The following ACAA2 variants were observed in gnomAD, a reference collection of about 807,000 sequenced individuals.
ACAA2 encodes the protein 3-ketoacyl-CoA thiolase, mitochondrial.
A neutral mutation model predicts 44.8 loss-of-function variants in ACAA2; 35 were observed. The observed-to-expected ratio is 0.78, with a 90% confidence interval of 0.60 to 1.04. The LOEUF (loss-of-function observed/expected upper bound fraction) is 1.04, where lower values mean the gene tolerates loss of function less well. Among genes scored for constraint, ACAA2 ranks in the 50% least tolerant of loss-of-function variants. ACAA2 has a pLI of 0.00. For missense variants in ACAA2, 468 were observed against 482.6 expected, an observed-to-expected ratio of 0.97 and a Z score of 0.28; for synonymous variants, 142 against 166.5, an observed-to-expected ratio of 0.85 and a Z score of 1.13.
At chr18:49,799,673 C>T (rs2023510599) in intron 2 of ACAA2, among the ~76,000 whole-genome samples, 2 of 151,866 alleles carry the variant, frequency 1.3e-5, no homozygotes, top group South Asian at 4.2e-4. Flanking sequence ...TGCCTGGCCA[C>T]CCATCGTCTG....
At position 49,813,501 on chromosome 18, in the gene ACAA2, T is replaced by C. The variant is rs1472622030; in HGVS notation, c.-17A>G. 8.1e-7 allele frequency: 1 copy of C among 1,240,320 alleles called. No homozygotes were observed. The highest frequency in any genetic ancestry group is 1.6e-5 in the African/African-American group (1 of 64,408). The allele number at this position is 1,240,320 out of a possible 1,614,324, so 76.8% of individuals were successfully genotyped here. ...CAGAGCCATGGCGGCTGCTGGGTCGTCGGCGGCGCGGGTCTGTGGTGTGGG... is the reference window on the plus strand; with the variant it reads ...CAGAGCCATGGCGGCTGCTGGGTCGCCGGCGGCGCGGGTCTGTGGTGTGGG... On this transcript the variant is annotated 5_prime_UTR_variant, in exon 1 of 10. Coordinates refer to ENST00000285093, the MANE Select transcript of ACAA2 (RefSeq NM_006111.3).
intron 1 of ACAA2, among the ~76,000 whole-genome samples, chr18:49,810,423 T>C (rs946645644): frequency 4.6e-5 from 7 of 152,184 alleles, no homozygotes; most frequent in African/African-American, 1.7e-4. Flanking sequence ...CTCTACAAAG[T>C]TCCTTTTATG....
At chr18:49,794,031 G>C (rs78638818) in intron 5 of ACAA2, among the ~76,000 whole-genome samples, 1 of 152,070 alleles carries the variant, frequency 6.6e-6, no homozygotes, top group African/African-American at 2.4e-5. Context: ...CAAAACTCAA[G>C]GGTCCATCTA....
In ACAA2 at chr18:49,797,461, C is replaced by T. The variant is rs763977378; in HGVS notation, c.312+5G>A. The T allele has an allele frequency of 2.5e-6, 4 of 1,602,316 alleles. No individual in the cohort carries two copies. Among genetic ancestry groups the T allele is most frequent in the Non-Finnish European group, 3.4e-6 (4 of 1,176,966 alleles). Reference sequence around the variant, plus strand: ...TCAGAGAATTTAAAAAAATGTTGTCCATACCTGACATCCATTCACAATGGA... The same window carrying T: ...TCAGAGAATTTAAAAAAATGTTGTCTATACCTGACATCCATTCACAATGGA... On this transcript the variant is annotated splice_donor_5th_base_variant and intron_variant, in intron 3 of 9. Coordinates refer to ENST00000285093, the MANE Select transcript of ACAA2 (RefSeq NM_006111.3).
In ACAA2 at chr18:49,813,455, G is replaced by A. The variant is rs2023695477; in HGVS notation, c.16+14C>T. The A allele has an allele frequency of 8.1e-7, 1 of 1,241,912 alleles. No homozygotes were observed. Among genetic ancestry groups the A allele is most frequent in the Admixed American group, 4.2e-5 (1 of 23,736 alleles). The allele number at this position is 1,241,912 out of a possible 1,614,324, so 76.9% of individuals were successfully genotyped here. On this transcript the variant is annotated intron_variant, in intron 1 of 9. Transcript: ENST00000285093. ...CCCCGAGGGGCGAGGAGAGGAGGAG[G>A]GGGCTGCGCTCACCTCGGAGCAGAG...
At chr18:49,809,333 G>A (rs1371962958) in intron 1 of ACAA2, among the ~76,000 whole-genome samples, 2 of 152,214 alleles carry the variant, frequency 1.3e-5, no homozygotes, top group African/African-American at 4.8e-5. Context: ...AGCTTACGAA[G>A]ATAACGGGAT....
chr18:49,802,854 C>T lies in ACAA2; in HGVS notation c.17-1G>A. On this transcript the variant is annotated splice_acceptor_variant, in intron 1 of 9. Transcript: ENST00000285093. LOFTEE classifies it high-confidence loss of function. ...CGCTTAGCAGCAACTACAAACACAC[C>T]TATTGCAACAAGAAGAGATTTGTAA... 6.2e-7 allele frequency: 1 copy of T among 1,613,924 alleles called. No homozygotes were observed.
rs1335225103 is a variant in ACAA2, at chr18:49,789,960, AAAAC to A, written c.883+1506_883+1509del. On this transcript the variant is annotated intron_variant, in intron 7 of 9. Coordinates refer to ENST00000285093, the MANE Select transcript of ACAA2 (RefSeq NM_006111.3). ...AAGCGAGACTCTGTGTCAAAAACAA[AAAAC>A]AAAACCAACTCTGCTCTTGGGCTCC... Among the ~76,000 whole-genome samples the A allele has an allele frequency of 2.0e-5, 3 of 150,722 alleles. No individual in the cohort carries two copies. The East Asian group carries it at 5.9e-4, about 30-fold the overall frequency.
chr18:49,801,975 A>G (rs561346878), intron 2 of ACAA2, among the ~76,000 whole-genome samples: 2 of 152,196 alleles, frequency 1.3e-5, no homozygotes, highest in African/African-American at 4.8e-5. Context: ...TGTACATCAC[A>G]CATAGCAAGA....
At position 49,800,237 on chromosome 18, in the gene ACAA2, G is replaced by A. The variant is rs1357923787; in HGVS notation, c.183+2450C>T. ...CGGGAGGTGGGGGGGTCAGCCCCCC[G>A]CCCGGCCAGCCGCCCCGTCCGGGAG... On this transcript the variant is annotated intron_variant, in intron 2 of 9. Transcript: ENST00000285093. Among the ~76,000 whole-genome samples, 13 of 144,630 alleles carry A rather than the reference G, an allele frequency of 9.0e-5. No homozygotes were observed. In the South Asian group the frequency reaches 1.3e-3, roughly 15 times the overall value. The allele number at this position is 144,630 out of a possible 152,430, so 94.9% of individuals were successfully genotyped here. A position where few individuals can be genotyped will look rare whatever the true frequency, so the allele number is the denominator to read the frequency against.
At chr18:49,792,052 A>T in intron 6 of ACAA2, 100 bp downstream of exon 6, 2 of 936,196 alleles carry the variant, frequency 2.1e-6, no homozygotes, top group Non-Finnish European at 3.2e-6. Flanking sequence ...TAAGCTAAAC[A>T]ACTAAAGACT....
In ACAA2 at chr18:49,802,779, C is replaced by T. The variant is rs11549282; in HGVS notation, c.91G>A (p.Asp31Asn). The T allele has an allele frequency of 2.5e-6, 4 of 1,614,132 alleles. No homozygotes were observed. Among genetic ancestry groups the T allele is most frequent in the Admixed American group, 1.7e-5 (1 of 60,026 alleles). Residue 31 changes from aspartate (D) to asparagine (N), a missense_variant, in exon 2 of 10, where the codon GAC becomes AAC. Transcript: ENST00000285093. ...GGLLKDFTAT[D>N]LSEFAAKAAL... ...GCCTTGGCAGCAAATTCAGACAAGT[C>T]AGTAGCAGTGAAGTCTTTCAGAAGG...
At chr18:49,789,491 TC>T (rs1462524015) in intron 7 of ACAA2, among the ~76,000 whole-genome samples, 1 of 152,178 alleles carries the variant, frequency 6.6e-6, no homozygotes, top group Non-Finnish European at 1.5e-5. Context: ...ACAGGAGCAT[TC>T]TTTGTACTTT....
intron 2 of ACAA2, among the ~76,000 whole-genome samples, chr18:49,802,258 A>C (rs538077776): frequency 6.6e-6 from 1 of 152,324 alleles, no homozygotes; most frequent in South Asian, 2.1e-4. Flanking sequence ...CTCAAATTAC[A>C]AACGTATAAA....
chr18:49,789,892 C>CAGTGAGCT (rs1568585531), intron 7 of ACAA2, among the ~76,000 whole-genome samples: 1 of 151,792 alleles, frequency 6.6e-6, no homozygotes, highest in Non-Finnish European at 1.5e-5. Flanking sequence ...AATGAGGTTG[C>CAGTGAGCT]AGTGAGCTGA....
At chr18:49,806,527 A>G (rs1300186240) in intron 1 of ACAA2, among the ~76,000 whole-genome samples, 3 of 152,248 alleles carry the variant, frequency 2.0e-5, no homozygotes, top group African/African-American at 4.8e-5. Flanking sequence ...CAACCAATCA[A>G]TAAGTCAGTT....
At chr18:49,800,497 C>G (rs535334433) in intron 2 of ACAA2, among the ~76,000 whole-genome samples, 14 of 152,068 alleles carry the variant, frequency 9.2e-5, no homozygotes, top group Non-Finnish European at 1.3e-4. Context: ...GGATGGTTGC[C>G]GTGTCTGTGT....
At chr18:49,808,244 C>G (rs2023630466) in intron 1 of ACAA2, among the ~76,000 whole-genome samples, 1 of 152,242 alleles carries the variant, frequency 6.6e-6, no homozygotes. Context: ...AATTCATTCA[C>G]TGCTGGTGGG....
intron 7 of ACAA2, among the ~76,000 whole-genome samples, chr18:49,788,583 C>A (rs2023361858): frequency 6.6e-6 from 1 of 151,858 alleles, no homozygotes; most frequent in Non-Finnish European, 1.5e-5. Flanking sequence ...AGCATGAAAT[C>A]ATGAAAATGA....
Sources: allele counts gnomAD v4.1 joint callset (sites outside exome capture counted in the v4.1 genomes callset), GRCh38; gene constraint gnomAD v4.1.1; transcripts MANE v1.5; gene names NCBI Gene and HGNC (gene_info 2026-07-23, HGNC 2026-07-21).